Variants in SCAF11 observed in about 807,000 individuals in gnomAD.
SCAF11 encodes the protein protein SCAF11.
Under a neutral mutation model 140.5 loss-of-function variants are expected in SCAF11, and 47 were observed. The observed-to-expected ratio is 0.33, with a 90% CI of 0.26 to 0.43. The LOEUF is 0.43. Among genes scored for constraint, SCAF11 ranks in the 20% least tolerant of loss-of-function variants. The probability of loss-of-function intolerance (pLI) is 1.00; values close to 1 mark genes in which losing one functional copy is unlikely to be tolerated. For missense variants in SCAF11, 1,645 were observed against 1,705.1 expected (o/e 0.96, Z 0.62); for synonymous variants, 557 against 579.4 (o/e 0.96, Z 0.55).
At chr12:45,991,994 A>C (rs1946625038), upstream of SCAF11, 4 of 1,288,862 alleles carry the variant, frequency 3.1e-6, no homozygotes, top group Non-Finnish European at 4.0e-6. Flanking sequence ...GCCCGGGATG[A>C]GTTTCCTCCC....
chr12:45,952,943 A>T (rs998740651), intron 3 of SCAF11, among the ~76,000 whole-genome samples: 3 of 152,228 alleles, frequency 2.0e-5, no homozygotes, highest in African/African-American at 7.2e-5. Context: ...ATACAAGTAA[A>T]AGTAGAGCAG....
intron 2 of SCAF11, among the ~76,000 whole-genome samples, chr12:45,963,214 G>A (rs925768316): frequency 6.6e-6 from 1 of 152,084 alleles, no homozygotes; most frequent in African/African-American, 2.4e-5. Flanking sequence ...GGTAATGGTC[G>A]GGAAATGATT....
intron 1 of SCAF11, among the ~76,000 whole-genome samples, chr12:45,972,897 T>TATATATAG (rs1565688754): frequency 4.6e-5 from 3 of 64,850 alleles, no homozygotes; most frequent in African/African-American, 1.8e-4. Context: ...TATATAGATA[T>TATATATAG]ATATATATAT....
chr12:45,991,580 T>C, upstream of SCAF11, among the ~76,000 whole-genome samples: 1 of 152,208 alleles, frequency 6.6e-6, no homozygotes, highest in East Asian at 1.9e-4. Flanking sequence ...ACAAAAACTT[T>C]ATCATTATTT....
At chr12:45,966,049 A>C (rs10880874) in intron 1 of SCAF11, among the ~76,000 whole-genome samples, 1 of 151,762 alleles carries the variant, frequency 6.6e-6, no homozygotes, top group African/African-American at 2.4e-5. Context: ...CTCTTAGCCT[A>C]TGTGTGCAAC....
At chr12:45,956,631 G>A (rs1021109815) in intron 3 of SCAF11, among the ~76,000 whole-genome samples, 1 of 152,128 alleles carries the variant, frequency 6.6e-6, no homozygotes, top group East Asian at 1.9e-4. Context: ...TTAACCCCCA[G>A]TAAGAACACA....
chr12:45,952,752 A>G (rs1031821494), intron 3 of SCAF11, among the ~76,000 whole-genome samples: 6 of 152,222 alleles, frequency 3.9e-5, no homozygotes, highest in African/African-American at 1.4e-4. Context: ...AAACTCTGCA[A>G]AGAGCGTACC....
intron 1 of SCAF11, among the ~76,000 whole-genome samples, chr12:45,972,939 GATATAT>G (rs1170160802): frequency 0.021 from 191 of 9,016 alleles, 6 homozygotes; most frequent in Non-Finnish European, 0.034. Context: ...GATATATATA[GATATAT>G]ATATAGATAT....
At position 45,919,661 on chromosome 12, in the gene SCAF11, T is replaced by C. The variant is rs781567167; in HGVS notation, c.*2387A>G. ...GCATTTTCTAATACATTCTTAAACA[T>C]TTCAAAATTTTAAAAGTTCGAATTC... On this transcript the variant is annotated 3_prime_UTR_variant, in exon 15 of 15. Coordinates refer to ENST00000369367, the MANE Select transcript of SCAF11 (RefSeq NM_004719.3). The C allele has an allele frequency of 1.3e-5, 2 of 152,208 alleles. No individual in the cohort carries two copies. The highest frequency in any genetic ancestry group is 2.4e-5 in the African/African-American group (1 of 41,458). The allele number at this position is 152,208 out of a possible 1,614,324, so 9.4% of individuals were successfully genotyped here. A position where few individuals can be genotyped will look rare whatever the true frequency, so the allele number is the denominator to read the frequency against.
In SCAF11 at chr12:45,927,395, GTTTCAACCT is replaced by G; in HGVS notation, c.2297_2305del (p.Lys766_Glu768del). On this transcript the variant is annotated inframe_deletion, in exon 11 of 15. Coordinates refer to ENST00000369367, the MANE Select transcript of SCAF11 (RefSeq NM_004719.3). Reference sequence around the variant, plus strand: ...TGGGCTTTCAGATGGTTGAGAAACAGTTTCAACCTTTTCATCCGCAAGATCAGAAGACGG... The same window carrying G: ...TGGGCTTTCAGATGGTTGAGAAACAGTTTCATCCGCAAGATCAGAAGACGG... 1 of 1,613,936 alleles carries G rather than the reference GTTTCAACCT, an allele frequency of 6.2e-7. No homozygotes were observed. The highest frequency in any genetic ancestry group is 8.5e-7 in the Non-Finnish European group (1 of 1,179,944).
chr12:45,951,634 G>A lies in SCAF11; in HGVS notation c.297+16C>T. 6.7e-7 allele frequency: 1 copy of A among 1,496,070 alleles called. No homozygotes were observed. Among genetic ancestry groups the A allele is most frequent in the South Asian group, 1.3e-5 (1 of 77,948 alleles). The allele number at this position is 1,496,070 out of a possible 1,614,324, so 92.7% of individuals were successfully genotyped here. A position where few individuals can be genotyped will look rare whatever the true frequency, so the allele number is the denominator to read the frequency against. On this transcript the variant is annotated intron_variant, in intron 4 of 14. Transcript: ENST00000369367. Reference sequence around the variant, plus strand: ...TAATTTTTATATAATTCATGTTGCAGAATAAAAAGACTTACCTTAACATAA... The same window carrying A: ...TAATTTTTATATAATTCATGTTGCAAAATAAAAAGACTTACCTTAACATAA...
At chr12:45,929,189 A>C (rs1231659031) in intron 10 of SCAF11, 2 of 163,244 alleles carry the variant, frequency 1.2e-5, no homozygotes, top group Non-Finnish European at 2.6e-5. Context: ...TCTGTCACCC[A>C]GGCTGGAGTG....
chr12:45,928,743 T>G lies in SCAF11; in HGVS notation c.958A>C (p.Thr320Pro). The change falls in exon 11 of 15, where the codon ACA becomes CCA. Residue 320 changes from threonine (T) to proline (P), a missense_variant. Thr to Pro is a conservative substitution (Grantham distance 38). This residue lies in a region of SCAF11 where 1,582 missense variants were observed against 1,609.2 expected (regional missense o/e 0.98). Coordinates refer to ENST00000369367, the MANE Select transcript of SCAF11 (RefSeq NM_004719.3). ...SRRKPAMTTP[T>P]RRSTRNTRAE... Reference sequence around the variant, plus strand: ...CTTGTGTTACGTGTAGACCTCCTTGTAGGAGTTGTCATTGCAGGTTTTCGT... The same window carrying G: ...CTTGTGTTACGTGTAGACCTCCTTGGAGGAGTTGTCATTGCAGGTTTTCGT... The G allele has an allele frequency of 6.2e-7, 1 of 1,613,794 alleles. No homozygotes were observed. Among genetic ancestry groups the G allele is most frequent in the Non-Finnish European group, 8.5e-7 (1 of 1,179,898 alleles).
At position 45,924,335 on chromosome 12, in the gene SCAF11, G is replaced by C. The variant is rs369243017; in HGVS notation, c.3906+393C>G. Among the ~76,000 whole-genome samples the C allele has an allele frequency of 6.6e-5, 10 of 152,276 alleles. No homozygotes were observed. In the East Asian group the frequency reaches 1.7e-3, roughly 26 times the overall value. On this transcript the variant is annotated intron_variant, in intron 12 of 14. Coordinates refer to ENST00000369367, the MANE Select transcript of SCAF11 (RefSeq NM_004719.3). ...TGTTTGTCTGAACAAGACAATAAAA[G>C]CTTCATCACAGTACTTAATCACTAG... is the stretch of plus-strand genomic sequence containing the variant.
In SCAF11 at chr12:45,934,469, T is replaced by A. The variant is rs749917640; in HGVS notation, c.500A>T (p.Asn167Ile). 1 of 1,595,486 alleles carries A rather than the reference T, an allele frequency of 6.3e-7. No homozygotes were observed. The highest frequency in any genetic ancestry group is 1.2e-5 in the South Asian group (1 of 85,952). ...SLYSETGGKK[N>I]AAIKINKPQR... ...AACCTTATTTATCTTTATTGCTGCA[T>A]TTTTCTTTCCTCCTGTTTCACTGTA... The change falls in exon 7 of 15, where the codon AAT becomes ATT. Residue 167 changes from asparagine to isoleucine, a missense_variant. By Grantham distance (149) the Asn-to-Ile change is moderately radical (BLOSUM62 -3). Around this residue, in one of 2 missense-constraint regions of SCAF11, gnomAD observed 1,582 missense variants for 1,609.2 expected, o/e 0.98. Transcript: ENST00000369367.
chr12:45,975,212 A>T (rs1946206910), intron 1 of SCAF11: 1 of 152,188 alleles, frequency 6.6e-6, no homozygotes, highest in Non-Finnish European at 1.5e-5. Flanking sequence ...AGAGTCCTGG[A>T]ATTTTCAGAA....
intron 6 of SCAF11, among the ~76,000 whole-genome samples, chr12:45,941,626 C>A (rs61924070): frequency 0.29 from 43,841 of 151,998 alleles, 6,580 homozygotes; most frequent in East Asian, 0.34. Context: ...ATTATACCCT[C>A]CCAAACGTTC....
At chr12:45,945,764 C>A (rs1945408487) in intron 5 of SCAF11, among the ~76,000 whole-genome samples, 1 of 152,004 alleles carries the variant, frequency 6.6e-6, no homozygotes, top group African/African-American at 2.4e-5. Flanking sequence ...AACTCCTGGG[C>A]TCAAGTGATC....
At chr12:45,942,233 C>T (rs1245543356) in intron 6 of SCAF11, among the ~76,000 whole-genome samples, 2 of 152,170 alleles carry the variant, frequency 1.3e-5, no homozygotes, top group Non-Finnish European at 2.9e-5. Context: ...AGGGGTACCC[C>T]TAACTCTTGT....
Sources: allele counts gnomAD v4.1 joint callset (sites outside exome capture counted in the v4.1 genomes callset), GRCh38; gene constraint gnomAD v4.1.1; regional missense constraint gnomAD v4.1.1; transcripts MANE v1.5; gene names NCBI Gene and HGNC (gene_info 2026-07-23, HGNC 2026-07-21).